CAMK2D: variants seen among roughly 807,000 people sequenced by gnomAD.
CAMK2D encodes calcium/calmodulin-dependent protein kinase type II subunit delta.
CAMK2D carries 37 observed loss-of-function variants against 84.0 expected under a neutral mutation model. The ratio of observed to expected loss-of-function variants is 0.44; its 90% CI spans 0.34 to 0.58. The LOEUF is 0.58. Ranked by LOEUF, CAMK2D falls within the 20% of genes least tolerant of loss-of-function variation. CAMK2D has a pLI of 0.02. For missense variants in CAMK2D, 448 were observed against 652.5 expected (o/e 0.69, Z 3.41); for synonymous variants, 202 against 212.5 (o/e 0.95, Z 0.43).
chr4:113,683,847 G>A (rs1007081255), intron 2 of CAMK2D, among the ~76,000 whole-genome samples: 7 of 152,190 alleles, frequency 4.6e-5, no homozygotes, highest in African/African-American at 7.2e-5. Flanking sequence ...TCAGAGGCAC[G>A]AGGAACCAGA....
chr4:113,611,415 A>C (rs2098999882), intron 3 of CAMK2D, among the ~76,000 whole-genome samples: 1 of 152,186 alleles, frequency 6.6e-6, no homozygotes, highest in Non-Finnish European at 1.5e-5. Flanking sequence ...TATTCTGGAA[A>C]ATAAGATGGG....
chr4:113,598,682 G>C (rs1242648457), intron 4 of CAMK2D, among the ~76,000 whole-genome samples: 1 of 151,988 alleles, frequency 6.6e-6, no homozygotes, highest in African/African-American at 2.4e-5. Flanking sequence ...ACTCTTTTTT[G>C]TCCATTTGTT....
intron 16 of CAMK2D, among the ~76,000 whole-genome samples, chr4:113,468,477 G>A (rs1455544105): frequency 5.3e-5 from 8 of 152,088 alleles, no homozygotes; most frequent in Non-Finnish European, 8.8e-5. Context: ...AGTCACAGGC[G>A]GCACATGACA....
chr4:113,518,287 G>T (rs2098312236), intron 8 of CAMK2D, among the ~76,000 whole-genome samples: 1 of 152,024 alleles, frequency 6.6e-6, no homozygotes, highest in African/African-American at 2.4e-5. Flanking sequence ...AGGGAGAGAA[G>T]GGAGAAATTC....
chr4:113,667,056 T>C (rs2099260316), intron 2 of CAMK2D, among the ~76,000 whole-genome samples: 1 of 152,180 alleles, frequency 6.6e-6, no homozygotes, highest in South Asian at 2.1e-4. Context: ...CAGCCTCGAG[T>C]AAGAGACATT....
intron 6 of CAMK2D, among the ~76,000 whole-genome samples, chr4:113,543,359 CT>C (rs1227594125): frequency 9.3e-5 from 14 of 150,256 alleles, no homozygotes; most frequent in Admixed American, 5.4e-4. Context: ...CATCAATATG[CT>C]TTTCACATAT....
chr4:113,476,028 A>C (rs533165463), intron 16 of CAMK2D, among the ~76,000 whole-genome samples: 1 of 152,250 alleles, frequency 6.6e-6, no homozygotes, highest in Non-Finnish European at 1.5e-5. Context: ...AGTGGAAAAA[A>C]GTTTATAATA....
intron 16 of CAMK2D, among the ~76,000 whole-genome samples, chr4:113,469,480 T>G (rs2097522157): frequency 6.6e-6 from 1 of 152,216 alleles, no homozygotes; most frequent in Admixed American, 6.5e-5. Flanking sequence ...AAAGACTCAA[T>G]TTGAGTCCCT....
rs781311425 is a variant in CAMK2D at position 113,537,297 on chromosome 4, A to G, written c.517+44T>C. 4.0e-6 allele frequency: 4 copies of G among 991,354 alleles called. No homozygotes were observed. The South Asian group carries it at 5.7e-5, about 14-fold the overall frequency. 61.4% of individuals were successfully genotyped at this position (991,354 alleles called of 1,614,324 possible). A position where few individuals can be genotyped will look rare whatever the true frequency, so the allele number is the denominator to read the frequency against. ...GTGGGATTAGGAGCCAGAATTCAGAAGCCAGAAGACTATAGGTAGCATGAA... is the reference window on the plus strand; with the variant it reads ...GTGGGATTAGGAGCCAGAATTCAGAGGCCAGAAGACTATAGGTAGCATGAA... On this transcript the variant is annotated intron_variant, in intron 7 of 20. Transcript: ENST00000511664.
chr4:113,761,081 C>A lies in CAMK2D; in HGVS notation c.-13G>T, dbSNP rs1183249433. On this transcript the variant is annotated 5_prime_UTR_variant, in exon 1 of 21. Coordinates refer to ENST00000511664, the MANE Select transcript of CAMK2D (RefSeq NM_001321571.2). ...TGGTCGAAGCCATCCTCGGTCCGGG[C>A]TGTGCCCTGGCTGGGAGCGCGACGG... 1.2e-6 allele frequency: 2 copies of A among 1,614,044 alleles called. No individual in the cohort carries two copies. Among genetic ancestry groups the A allele is most frequent in the South Asian group, 1.1e-5 (1 of 91,088 alleles).
chr4:113,685,198 A>C (rs530524985), intron 2 of CAMK2D, among the ~76,000 whole-genome samples: 1 of 149,754 alleles, frequency 6.7e-6, no homozygotes, highest in African/African-American at 2.5e-5. Flanking sequence ...ATACCACCTT[A>C]TATCATTTGA....
At chr4:113,721,984 C>T (rs564050478) in intron 2 of CAMK2D, among the ~76,000 whole-genome samples, 1 of 152,296 alleles carries the variant, frequency 6.6e-6, no homozygotes, top group African/African-American at 2.4e-5. Context: ...GGAATATAAA[C>T]TCCAAATTCT....
At chr4:113,466,063 C>T (rs1283088635) in intron 16 of CAMK2D, among the ~76,000 whole-genome samples, 1 of 151,718 alleles carries the variant, frequency 6.6e-6, no homozygotes, top group Non-Finnish European at 1.5e-5. Context: ...ACCAGCCTGA[C>T]CCACACGGAG....
chr4:113,721,835 T>C (rs1324808647), intron 2 of CAMK2D, among the ~76,000 whole-genome samples: 4 of 152,204 alleles, frequency 2.6e-5, no homozygotes, highest in Non-Finnish European at 5.9e-5. Context: ...AGACCACTTG[T>C]ACTGGTGCAG....
At chr4:113,486,099 C>CA (rs963106883) in intron 16 of CAMK2D, among the ~76,000 whole-genome samples, 20 of 150,320 alleles carry the variant, frequency 1.3e-4, no homozygotes, top group Admixed American at 1.2e-3. Flanking sequence ...AAGAAAGTCA[C>CA]AAAAAAGAGA....
chr4:113,562,158 C>T (rs2098701495), intron 4 of CAMK2D, among the ~76,000 whole-genome samples: 1 of 152,050 alleles, frequency 6.6e-6, no homozygotes, highest in Non-Finnish European at 1.5e-5. Context: ...GTCTGAATAG[C>T]CATATTTCTA....
intron 16 of CAMK2D, among the ~76,000 whole-genome samples, chr4:113,487,043 C>T (rs1474975621): frequency 1.3e-5 from 2 of 152,124 alleles, no homozygotes; most frequent in African/African-American, 4.8e-5. Flanking sequence ...ACCACTGTTT[C>T]GGATGTGAAA....
At chr4:113,663,406 C>A (rs1040814262) in intron 2 of CAMK2D, among the ~76,000 whole-genome samples, 14 of 151,794 alleles carry the variant, frequency 9.2e-5, no homozygotes. Context: ...GCCAACATGG[C>A]AAAATCTCAT....
At chr4:113,644,367 T>C (rs2099143385) in intron 3 of CAMK2D, among the ~76,000 whole-genome samples, 1 of 152,138 alleles carries the variant, frequency 6.6e-6, no homozygotes, top group Non-Finnish European at 1.5e-5. Context: ...GCAGCACTTG[T>C]GTGTAAATTC....
Sources: allele counts gnomAD v4.1 joint callset (sites outside exome capture counted in the v4.1 genomes callset), GRCh38; gene constraint gnomAD v4.1.1; transcripts MANE v1.5; gene names NCBI Gene and HGNC (gene_info 2026-07-23, HGNC 2026-07-21).